Variants in PITPNM1 observed in about 807,000 individuals in gnomAD.
PITPNM1 encodes phosphatidylinositol transfer protein membrane associated 1.
Under a neutral mutation model 133.3 loss-of-function variants are expected in PITPNM1, and 74 were observed. That is an observed-to-expected ratio of 0.56 (90% CI 0.46 to 0.67). The LOEUF is 0.67. Among genes scored for constraint, PITPNM1 ranks in the 30% least tolerant of loss-of-function variants. The pLI, the probability that PITPNM1 is intolerant of heterozygous loss-of-function variation, is 0.00. For synonymous variants in PITPNM1, 738 were observed against 741.4 expected (o/e 1.00, Z 0.08); for missense variants, 1,398 against 1,739.5 (o/e 0.80, Z 3.49).
At position 67,496,680 on chromosome 11, in the gene PITPNM1, A is replaced by T. The variant is rs576622385; in HGVS notation, c.2147-332T>A. On this transcript the variant is annotated intron_variant, in intron 14 of 23. Transcript: ENST00000356404. ...CTGGGTTCAGTGGCTCATTCCTGGA[A>T]TCCCAGCACTGTGGGAGGCAGAGGT... The T allele has an allele frequency of 8.5e-5, 25 of 293,842 alleles. No individual in the cohort carries two copies. The South Asian group carries it at 1.4e-3, about 17-fold the overall frequency. 18.2% of individuals were successfully genotyped at this position (293,842 alleles called of 1,614,324 possible).
rs74554799 is a variant in PITPNM1 at position 67,496,374 on chromosome 11, T to C, written c.2147-26A>G. 2.7e-4 allele frequency: 422 copies of C among 1,559,216 alleles called. 1 individual carries two copies. In the African/African-American group the frequency reaches 5.4e-3, roughly 20 times the overall value. On this transcript the variant is annotated intron_variant, in intron 14 of 23. Transcript: ENST00000356404. Reference sequence around the variant, plus strand: ...CTGGTACCCAGAAGACAGAGAAAGATTGTGGGGTCAGGGTTTCAGCTGGGC... The same window carrying C: ...CTGGTACCCAGAAGACAGAGAAAGACTGTGGGGTCAGGGTTTCAGCTGGGC...
rs1386706391 is a variant in PITPNM1, at chr11:67,500,297, G to T, written c.765C>A (p.Arg255=). The T allele has an allele frequency of 6.2e-7, 1 of 1,611,100 alleles. No homozygotes were observed. Among genetic ancestry groups the T allele is most frequent in the Admixed American group, 1.7e-5 (1 of 60,028 alleles). ...EEETARMLAQ[R]MAKCNTGSEG... The stretch of plus-strand genomic sequence containing the variant: ...CACTGCCTGTGTTGCACTTGGCCAT[G>T]CGCTGGGCCAGCATGCGAGCAGTCT... Residue 255 remains arginine, a synonymous_variant, in exon 6 of 24, where the codon CGC becomes CGA. Coordinates refer to ENST00000356404, the MANE Select transcript of PITPNM1 (RefSeq NM_004910.3).
intron 5 of PITPNM1, 152 bp from the exon 6 acceptor site, chr11:67,500,573 G>A (rs552956522): frequency 2.8e-6 from 2 of 708,692 alleles, no homozygotes; most frequent in South Asian, 1.8e-5. Context: ...GTCCAGGAAT[G>A]GGAGTGGAAA....
Position 67,504,274 on chromosome 11 carries a change from G to A in PITPNM1, c.-41-53C>T. 2.8e-6 allele frequency: 2 copies of A among 718,990 alleles called. No individual in the cohort carries two copies. The highest frequency in any genetic ancestry group is 3.9e-6 in the Non-Finnish European group (2 of 514,672). 44.5% of individuals were successfully genotyped at this position (718,990 alleles called of 1,614,324 possible). Reference sequence around the variant, plus strand: ...GTGCGGGGAGGCTGCGCGCGGCCCCGAGCCCTGCGCGCCGGCCGAGGGACT... The same window carrying A: ...GTGCGGGGAGGCTGCGCGCGGCCCCAAGCCCTGCGCGCCGGCCGAGGGACT... On this transcript the variant is annotated intron_variant, in intron 1 of 23. Coordinates refer to ENST00000356404, the MANE Select transcript of PITPNM1 (RefSeq NM_004910.3). The surrounding 1 kb of genome is among the most constrained non-coding windows in gnomAD (Gnocchi z 5.4).
chr11:67,497,702 A>T, intron 12 of PITPNM1, 23 bp from the exon 13 acceptor site: 1 of 1,607,348 alleles, frequency 6.2e-7, no homozygotes, highest in South Asian at 1.1e-5. Context: ...GGAGACAGAA[A>T]CATTCTTAGG....
At chr11:67,494,821 A>AGTGGACGAG in intron 18 of PITPNM1, 25 bp downstream of exon 18, 2 of 1,492,540 alleles carry the variant, frequency 1.3e-6, no homozygotes, top group Non-Finnish European at 9.2e-7. Flanking sequence ...CGAGTGGGCG[A>AGTGGACGAG]GGGGGCGAGG....
rs1431754249 is a variant in PITPNM1 at position 67,502,729 on chromosome 11, A to G, written c.79-11T>C. 4 of 1,609,678 alleles carry G rather than the reference A, an allele frequency of 2.5e-6. No homozygotes were observed. The highest frequency in any genetic ancestry group is 2.2e-5 in the South Asian group (2 of 91,040). On this transcript the variant is annotated splice_polypyrimidine_tract_variant and intron_variant, in intron 2 of 23. Transcript: ENST00000356404. This position sits in a 1 kb window ranked among gnomAD's most constrained non-coding sequence, Gnocchi z 5.9. ...CTCCCGGCTCTTTTTCTGTGGCCCA[A>G]GGGAGAGCAGGACAGGGAGCTCAGC...
chr11:67,493,727 C>G lies in PITPNM1; in HGVS notation c.3119G>C (p.Ser1040Thr), dbSNP rs781208998. 4.5e-6 allele frequency: 7 copies of G among 1,548,036 alleles called. No homozygotes were observed. Among genetic ancestry groups the G allele is most frequent in the Non-Finnish European group, 6.1e-6 (7 of 1,147,104 alleles). The change falls in exon 21 of 24, where the codon AGC becomes ACC. Residue 1040 changes from serine (S) to threonine (T), a missense_variant. Around this residue, in one of 5 missense-constraint regions of PITPNM1, gnomAD observed 233 missense variants for 378.0 expected, o/e 0.62. Transcript: ENST00000356404. Reference sequence around the variant, plus strand: ...GGCGCCAGCTCGCACCTTGGGGTCGCTGCCCATGATGGAGACGCTGGCGGT... The same window carrying G: ...GGCGCCAGCTCGCACCTTGGGGTCGGTGCCCATGATGGAGACGCTGGCGGT... Reference protein sequence around the residue: ...SFTASVSIMGSDPKVRAGAVD... With the variant: ...SFTASVSIMGTDPKVRAGAVD...
upstream of PITPNM1, among the ~76,000 whole-genome samples, chr11:67,505,846 C>T (rs570027543): frequency 1.3e-5 from 2 of 152,338 alleles, no homozygotes; most frequent in East Asian, 3.9e-4. This position sits in a 1 kb window ranked among gnomAD's most constrained non-coding sequence, Gnocchi z 5.8. Context: ...AACGGGCTGT[C>T]ACTGTGAGTG....
chr11:67,495,053 C>G (rs1423838792), intron 17 of PITPNM1, 24 bp downstream of exon 17: 11 of 1,612,028 alleles, frequency 6.8e-6, no homozygotes, highest in East Asian at 6.7e-5. Flanking sequence ...ATTCTCATCT[C>G]CCATTCCATA....
intron 15 of PITPNM1, among the ~76,000 whole-genome samples, 193 bp downstream of exon 15, chr11:67,495,985 C>T (rs1591056312): frequency 6.6e-6 from 1 of 152,240 alleles, no homozygotes; most frequent in Non-Finnish European, 1.5e-5. Context: ...ACCACCCCCA[C>T]CCAACTTCTA....
chr11:67,494,793 T>TGAGTGGGCGA (rs144123290), intron 18 of PITPNM1, 53 bp downstream of exon 18: 1 of 337,230 alleles, frequency 3.0e-6, no homozygotes, highest in Admixed American at 8.6e-5. Context: ...GCCTCTCTGG[T>TGAGTGGGCGA]GAGTGGGCGA....
chr11:67,498,488 T>G lies in PITPNM1; in HGVS notation c.1484+108A>C, dbSNP rs547575410. ...CCATTCTCCAGAACAGGTCCAGCCATGCCAGTGACCGACCCAGGTGTCTGG... is the reference window on the plus strand; with the variant it reads ...CCATTCTCCAGAACAGGTCCAGCCAGGCCAGTGACCGACCCAGGTGTCTGG... On this transcript the variant is annotated intron_variant, in intron 10 of 23. Coordinates refer to ENST00000356404, the MANE Select transcript of PITPNM1 (RefSeq NM_004910.3). This position sits in a 1 kb window ranked among gnomAD's most constrained non-coding sequence, Gnocchi z 5.7. 5.3e-6 allele frequency: 8 copies of G among 1,497,292 alleles called. No individual in the cohort carries two copies. In the African/African-American group the frequency reaches 1.1e-4, roughly 21 times the overall value. The allele number at this position is 1,497,292 out of a possible 1,614,324, so 92.8% of individuals were successfully genotyped here. A position where few individuals can be genotyped will look rare whatever the true frequency, so the allele number is the denominator to read the frequency against.
At position 67,492,060 on chromosome 11, in the gene PITPNM1, G is replaced by A. The variant is rs145707054; in HGVS notation, c.3708C>T (p.Ile1236=). 122 of 1,612,388 alleles carry A rather than the reference G, an allele frequency of 7.6e-5. No individual in the cohort carries two copies. In the Admixed American group the frequency reaches 2.0e-3, roughly 26 times the overall value. Residue 1236 remains isoleucine (I), a synonymous_variant, in exon 24 of 24, where the codon ATC becomes ATT. Coordinates refer to ENST00000356404, the MANE Select transcript of PITPNM1 (RefSeq NM_004910.3). ...ACTCCTCGCTGTCCAGCTTCAGGCT[G>A]ATGCTCCGTGCTTTGCCCCGTGCCA... ...TTLARGKARS[I]SLKLDSEE is the part of the protein sequence containing the mutation.
chr11:67,493,113 G>C, intron 22 of PITPNM1, 51 bp from the exon 23 acceptor site: 1 of 1,607,046 alleles, frequency 6.2e-7, no homozygotes, highest in Non-Finnish European at 8.5e-7. Context: ...CCGTGCAGCT[G>C]GGGGCGGGGC....
rs1040392357 is a variant in PITPNM1 at position 67,505,317 on chromosome 11, C to G, written c.-171G>C. ...GCCGGACCCTCCCGAGGCGCAGTGCCGGCCCATGGCCCCGACCTTCCTCTC... is the reference window on the plus strand; with the variant it reads ...GCCGGACCCTCCCGAGGCGCAGTGCGGGCCCATGGCCCCGACCTTCCTCTC... On this transcript the variant is annotated 5_prime_UTR_variant, in exon 1 of 24. Coordinates refer to ENST00000356404, the MANE Select transcript of PITPNM1 (RefSeq NM_004910.3). This position sits in a 1 kb window ranked among gnomAD's most constrained non-coding sequence, Gnocchi z 5.8. 5 of 151,846 alleles carry G rather than the reference C, an allele frequency of 3.3e-5. No homozygotes were observed. The highest frequency in any genetic ancestry group is 1.2e-4 in the African/African-American group (5 of 41,360). 9.4% of individuals were successfully genotyped at this position (151,846 alleles called of 1,614,324 possible).
Position 67,500,740 on chromosome 11 carries a change from G to T in PITPNM1, c.641-319C>A, listed in dbSNP as rs371579186. 2.9e-4 allele frequency among the ~76,000 whole-genome samples: 44 copies of T among 152,340 alleles called. 2 individuals are homozygous for T. The highest frequency in any genetic ancestry group is 1.0e-3 in the Admixed American group (16 of 15,310). The stretch of plus-strand genomic sequence containing the variant: ...GGCTGGCTTCCTGCTGACTTCTGAG[G>T]AATTAACAGTTAATTAAGGGTTTAA... On this transcript the variant is annotated intron_variant, in intron 5 of 23. Transcript: ENST00000356404.
In PITPNM1 at chr11:67,499,908, G is replaced by A; in HGVS notation, c.1063+6C>T. On this transcript the variant is annotated splice_donor_region_variant and intron_variant, in intron 7 of 23. Coordinates refer to ENST00000356404, the MANE Select transcript of PITPNM1 (RefSeq NM_004910.3). ...CCCCACTCCCAAAAAGGGCCTCAGT[G>A]CTGACCGTGGGCATCAAAGAACTCT... 6.2e-7 allele frequency: 1 copy of A among 1,611,304 alleles called. No homozygotes were observed. Among genetic ancestry groups the A allele is most frequent in the Non-Finnish European group, 8.5e-7 (1 of 1,178,848 alleles).
Position 67,502,443 on chromosome 11 carries a change from G to C in PITPNM1, c.294-30C>G. On this transcript the variant is annotated intron_variant, in intron 3 of 23. Transcript: ENST00000356404. The surrounding 1 kb of genome is among the most constrained non-coding windows in gnomAD (Gnocchi z 5.9). Reference sequence around the variant, plus strand: ...GCAGAAGGCACGGGTGAGGCTCACTGCTGTACCCACCAGGGCCGCTCCCCT... The same window carrying C: ...GCAGAAGGCACGGGTGAGGCTCACTCCTGTACCCACCAGGGCCGCTCCCCT... The C allele has an allele frequency of 6.2e-7, 1 of 1,613,714 alleles. No homozygotes were observed. Among genetic ancestry groups the C allele is most frequent in the Non-Finnish European group, 8.5e-7 (1 of 1,179,952 alleles).
Sources: gnomAD v4.1 joint callset for allele counts (sites outside exome capture counted in the v4.1 genomes callset) on GRCh38, gnomAD v4.1.1 for gene constraint, gnomAD v4.1.1 regional missense constraint, Gnocchi (gnomAD v3.1) non-coding constraint, MANE v1.5 for transcripts, NCBI Gene and HGNC (gene_info 2026-07-23, HGNC 2026-07-21) for gene names.